The following INPP4B variants were observed in gnomAD, a reference collection of about 807,000 sequenced individuals.
INPP4B encodes inositol polyphosphate 4-phosphatase type II.
INPP4B carries 55 observed loss-of-function variants against 122.5 expected under a neutral mutation model. The ratio of observed to expected loss-of-function variants is 0.45; its 90% CI spans 0.36 to 0.56. The LOEUF is 0.56. INPP4B is among the 20% of genes least tolerant of loss of function. INPP4B has a pLI of 0.00. For missense variants in INPP4B, 1,000 were observed against 1,097.7 expected, an observed-to-expected ratio of 0.91 and a Z score of 1.26; for synonymous variants, 403 against 388.7, an observed-to-expected ratio of 1.04 and a Z score of -0.43.
At chr4:142,672,846 T>A (rs1387337058) in intron 2 of INPP4B, among the ~76,000 whole-genome samples, 1 of 152,186 alleles carries the variant, frequency 6.6e-6, no homozygotes, top group Admixed American at 6.6e-5. Context: ...TAGTTTCCTC[T>A]GGAAGTTTTA....
chr4:142,582,920 G>A (rs1394699739), intron 2 of INPP4B, among the ~76,000 whole-genome samples: 1 of 152,138 alleles, frequency 6.6e-6, no homozygotes, highest in Non-Finnish European at 1.5e-5. Flanking sequence ...TCCTGTTATT[G>A]ATGCTCAACC....
intron 1 of INPP4B, among the ~76,000 whole-genome samples, chr4:142,727,313 C>T (rs948158133): frequency 3.3e-5 from 5 of 152,178 alleles, no homozygotes; most frequent in African/African-American, 1.2e-4. Flanking sequence ...CTTAAAGCAA[C>T]TGGCCCTTAT....
intron 9 of INPP4B, among the ~76,000 whole-genome samples, chr4:142,285,042 G>A (rs1427535465): frequency 1.3e-5 from 2 of 152,050 alleles, no homozygotes; most frequent in African/African-American, 2.4e-5. Flanking sequence ...GGGCTGTGTA[G>A]GACAGAGCAG....
intron 2 of INPP4B, among the ~76,000 whole-genome samples, chr4:142,488,914 T>C (rs1449657378): frequency 6.6e-6 from 1 of 152,114 alleles, no homozygotes; most frequent in Non-Finnish European, 1.5e-5. Context: ...TAATTTACTC[T>C]CCCTTTTCAA....
intron 7 of INPP4B, among the ~76,000 whole-genome samples, chr4:142,387,650 C>T (rs753363831): frequency 1.1e-4 from 17 of 152,092 alleles, no homozygotes; most frequent in Non-Finnish European, 2.4e-4. Flanking sequence ...ACACTTCTAG[C>T]CTCTCTCTGT....
At chr4:142,339,618 G>A (rs990845698) in intron 7 of INPP4B, among the ~76,000 whole-genome samples, 2 of 152,140 alleles carry the variant, frequency 1.3e-5, no homozygotes, top group African/African-American at 4.8e-5. Flanking sequence ...ACACAATAAT[G>A]TTTAGCACCC....
At chr4:142,655,776 A>G (rs1192325217) in intron 2 of INPP4B, among the ~76,000 whole-genome samples, 1 of 152,180 alleles carries the variant, frequency 6.6e-6, no homozygotes, top group Non-Finnish European at 1.5e-5. Context: ...CATTTAAAGT[A>G]CATTATTCCT....
Position 142,336,309 on chromosome 4 carries a change from G to A in INPP4B, c.373-21547C>T, listed in dbSNP as rs1027937684. ...CCTCCCTCCCACTTGAGGGGTAGTG[G>A]GGGAGAAAATACCGCTGGGGGCCAC... On this transcript the variant is annotated intron_variant, in intron 7 of 25. Transcript: ENST00000262992. Among the ~76,000 whole-genome samples the A allele has an allele frequency of 4.6e-5, 7 of 152,308 alleles. No homozygotes were observed. The South Asian group carries it at 8.3e-4, about 18-fold the overall frequency.
chr4:142,551,671 C>T lies in INPP4B; in HGVS notation c.-190-88945G>A, dbSNP rs554601567. Reference sequence around the variant, plus strand: ...TGTTGAGTTCTGTTCTGTGTTATCACGCAGTAGAACTGTAGCAGGATGCTA... The same window carrying T: ...TGTTGAGTTCTGTTCTGTGTTATCATGCAGTAGAACTGTAGCAGGATGCTA... On this transcript the variant is annotated intron_variant, in intron 2 of 25. Coordinates refer to ENST00000262992, the MANE Select transcript of INPP4B (RefSeq NM_001101669.3). Among the ~76,000 whole-genome samples the T allele has an allele frequency of 3.9e-5, 6 of 152,186 alleles. 1 individual carries two copies. The highest frequency in any genetic ancestry group is 1.3e-4 in the Admixed American group (2 of 15,284).
intron 11 of INPP4B, among the ~76,000 whole-genome samples, chr4:142,246,827 T>C (rs1052212979): frequency 5.9e-5 from 9 of 152,232 alleles, no homozygotes; most frequent in Admixed American, 2.6e-4. Flanking sequence ...GAAATTCCAT[T>C]ACTATGTTGA....
chr4:142,545,867 T>G (rs1829585734), intron 2 of INPP4B, among the ~76,000 whole-genome samples: 1 of 150,034 alleles, frequency 6.7e-6, no homozygotes, highest in Non-Finnish European at 1.5e-5. Flanking sequence ...TAATTGAGGA[T>G]GCAAATTTCA....
chr4:142,298,211 C>G (rs530324951), intron 9 of INPP4B, among the ~76,000 whole-genome samples: 1 of 152,136 alleles, frequency 6.6e-6, no homozygotes, highest in Non-Finnish European at 1.5e-5. Flanking sequence ...TTCTACTTAA[C>G]TCCACAAAGA....
chr4:142,273,923 A>G (rs915234072), intron 9 of INPP4B, among the ~76,000 whole-genome samples: 9 of 151,900 alleles, frequency 5.9e-5, no homozygotes, highest in African/African-American at 1.9e-4. Flanking sequence ...AGAATGTAAA[A>G]TGTAGAAGCC....
At chr4:142,309,570 T>C (rs1379826365) in intron 8 of INPP4B, among the ~76,000 whole-genome samples, 4 of 152,114 alleles carry the variant, frequency 2.6e-5, no homozygotes, top group African/African-American at 9.7e-5. Context: ...AACTAGTTAA[T>C]CTGCAGAAGG....
chr4:142,421,004 C>T (rs1806760763), intron 5 of INPP4B, among the ~76,000 whole-genome samples: 1 of 152,062 alleles, frequency 6.6e-6, no homozygotes, highest in South Asian at 2.1e-4. Flanking sequence ...TAGTAATATC[C>T]TTCCCATTTT....
intron 25 of INPP4B, among the ~76,000 whole-genome samples, chr4:142,053,153 G>A (rs1194821889): frequency 6.6e-6 from 1 of 152,004 alleles, no homozygotes; most frequent in African/African-American, 2.4e-5. Flanking sequence ...AACAGGGACT[G>A]CGTGTGAAAA....
chr4:142,558,793 T>TAAAAAAAAAAAAAAAAAAAAAA (rs34151070), intron 2 of INPP4B, among the ~76,000 whole-genome samples: 4 of 75,546 alleles, frequency 5.3e-5, no homozygotes, highest in African/African-American at 1.5e-4. Flanking sequence ...AGACTCCCTC[T>TAAAAAAAAAAAAAAAAAAAAAA]AAAAAAAAAA....
chr4:142,707,195 T>A (rs377307402), intron 2 of INPP4B, among the ~76,000 whole-genome samples: 1 of 152,194 alleles, frequency 6.6e-6, no homozygotes, highest in Non-Finnish European at 1.5e-5. Flanking sequence ...CTAATTCATA[T>A]AGAAACTCAG....
At chr4:142,305,812 A>G in intron 8 of INPP4B, 1 of 1,189,300 alleles carries the variant, frequency 8.4e-7, no homozygotes, top group South Asian at 1.9e-5. Context: ...TGTTTCACTA[A>G]CTATAATTTT....
Sources: allele counts gnomAD v4.1 joint callset (sites outside exome capture counted in the v4.1 genomes callset), GRCh38; gene constraint gnomAD v4.1.1; transcripts MANE v1.5; gene names NCBI Gene and HGNC (gene_info 2026-07-23, HGNC 2026-07-21).